The following IL1RAPL1 variants were observed in gnomAD, a reference collection of about 807,000 sequenced individuals.
The protein encoded by IL1RAPL1 is interleukin 1 receptor accessory protein like 1, also known as interleukin-1 receptor accessory protein-like 1.
In IL1RAPL1, 3 loss-of-function variants were observed where a neutral mutation model predicts 48.4. The observed-to-expected ratio is 0.06, with a 90% CI of 0.03 to 0.16. The LOEUF (loss-of-function observed/expected upper bound fraction) is 0.16, where lower values mean the gene tolerates loss of function less well. Ranked by LOEUF, IL1RAPL1 falls within the 10% of genes least tolerant of loss-of-function variation. The probability of loss-of-function intolerance (pLI) is 1.00; values close to 1 mark genes in which losing one functional copy is unlikely to be tolerated. For missense variants in IL1RAPL1, 349 were observed against 530.6 expected (o/e 0.66, Z 3.36); for synonymous variants, 185 against 187.7 (o/e 0.99, Z 0.12).
chrX:29,424,809 A>G (rs968702273), intron 5 of IL1RAPL1, among the ~76,000 whole-genome samples: 1 of 112,023 alleles, frequency 8.9e-6, no homozygotes, highest in African/African-American at 3.2e-5. Flanking sequence ...AGAGATATTC[A>G]TGGGAAGGTT....
chrX:29,114,225 C>T, intron 2 of IL1RAPL1, among the ~76,000 whole-genome samples: 1 of 111,850 alleles, frequency 8.9e-6, no homozygotes, highest in Non-Finnish European at 1.9e-5. Context: ...GTAGAACTCA[C>T]CCATAAAACC....
chrX:29,514,835 T>G, intron 5 of IL1RAPL1, among the ~76,000 whole-genome samples: 2 of 113,025 alleles, frequency 1.8e-5, no homozygotes, highest in Middle Eastern at 9.2e-3. Flanking sequence ...TCAAAGTTCC[T>G]GTCTAAAACC....
intron 5 of IL1RAPL1, among the ~76,000 whole-genome samples, chrX:29,498,986 A>G (rs957749771): frequency 8.9e-6 from 1 of 112,189 alleles, no homozygotes; most frequent in African/African-American, 3.2e-5. Flanking sequence ...TCAAACCACA[A>G]AGGTTCTTTG....
chrX:29,273,197 A>G (rs1320344105), intron 2 of IL1RAPL1, among the ~76,000 whole-genome samples: 2 of 112,238 alleles, frequency 1.8e-5, no homozygotes, highest in East Asian at 2.8e-4. Flanking sequence ...GTTTGGAGGT[A>G]AGAAAACAGT....
chrX:28,659,450 G>A (rs61735499), intron 1 of IL1RAPL1: 34,830 of 519,170 alleles, frequency 0.067, 1,015 homozygotes, highest in African/African-American at 0.17. Context: ...TTTGCGGGAA[G>A]TCAGCTTTGT....
chrX:28,999,502 CTT>C (rs916137867), intron 2 of IL1RAPL1, among the ~76,000 whole-genome samples: 15 of 111,521 alleles, frequency 1.3e-4, no homozygotes, highest in Non-Finnish European at 2.6e-4. Context: ...TTTCCTGTGT[CTT>C]TTATTTTAAC....
intron 8 of IL1RAPL1, among the ~76,000 whole-genome samples, chrX:29,940,703 G>A (rs183336975): frequency 0.016 from 1,753 of 111,300 alleles, 38 homozygotes; most frequent in African/African-American, 0.054. Context: ...TCTAAAGAAG[G>A]AAAAAATAAC....
At chrX:29,349,017 A>T (rs1264341547) in intron 3 of IL1RAPL1, among the ~76,000 whole-genome samples, 1 of 112,492 alleles carries the variant, frequency 8.9e-6, no homozygotes, top group African/African-American at 3.2e-5. Flanking sequence ...GATGAGTGGG[A>T]TAAATGGCAT....
intron 2 of IL1RAPL1, among the ~76,000 whole-genome samples, chrX:29,096,213 A>G (rs1928210777): frequency 9.0e-6 from 1 of 111,396 alleles, no homozygotes; most frequent in African/African-American, 3.3e-5. Context: ...GTGCCTTGGT[A>G]AGGGATTTGT....
At chrX:29,160,833 C>G (rs1042739238) in intron 2 of IL1RAPL1, among the ~76,000 whole-genome samples, 1 of 112,134 alleles carries the variant, frequency 8.9e-6, no homozygotes, top group Non-Finnish European at 1.9e-5. Flanking sequence ...GCGGGTAGAT[C>G]GCCTGAGGTC....
At chrX:29,754,750 C>G (rs1928569367) in intron 6 of IL1RAPL1, among the ~76,000 whole-genome samples, 1 of 112,947 alleles carries the variant, frequency 8.9e-6, no homozygotes, top group Admixed American at 9.4e-5. Flanking sequence ...TGTGTATGTG[C>G]ATGGACACAT....
chrX:29,816,328 A>G (rs1930492220), intron 6 of IL1RAPL1, among the ~76,000 whole-genome samples: 1 of 111,478 alleles, frequency 9.0e-6, no homozygotes. Flanking sequence ...TCTAGAGGAA[A>G]TGCATAAATT....
chrX:28,874,470 CA>C (rs1393262087), intron 2 of IL1RAPL1, among the ~76,000 whole-genome samples: 1 of 111,748 alleles, frequency 8.9e-6, no homozygotes, highest in Non-Finnish European at 1.9e-5. Flanking sequence ...CAGATATGTG[CA>C]AATGATGATA....
At chrX:29,159,584 G>T (rs1353998992) in intron 2 of IL1RAPL1, among the ~76,000 whole-genome samples, 1 of 112,028 alleles carries the variant, frequency 8.9e-6, no homozygotes, top group African/African-American at 3.2e-5. Context: ...ACACATTTTT[G>T]ATAGAAAACT....
At chrX:28,916,723 C>T (rs756600378) in intron 2 of IL1RAPL1, among the ~76,000 whole-genome samples, 1 of 112,092 alleles carries the variant, frequency 8.9e-6, no homozygotes, top group Non-Finnish European at 1.9e-5. Context: ...ACTTGGAATA[C>T]CAAGCCTGTA....
chrX:29,381,421 G>A (rs1293480197), intron 3 of IL1RAPL1, among the ~76,000 whole-genome samples: 3 of 94,679 alleles, frequency 3.2e-5, no homozygotes, highest in Non-Finnish European at 6.2e-5. Context: ...TTGGGAGGCC[G>A]AGGTGGGAGG....
At chrX:28,655,901 A>G (rs767393748) in intron 1 of IL1RAPL1, among the ~76,000 whole-genome samples, 1 of 112,158 alleles carries the variant, frequency 8.9e-6, no homozygotes, top group East Asian at 2.8e-4. Context: ...ACATTTCTAG[A>G]AAAGAAGACA....
At chrX:29,411,445 C>A (rs1003225199) in intron 5 of IL1RAPL1, among the ~76,000 whole-genome samples, 2 of 111,874 alleles carry the variant, frequency 1.8e-5, no homozygotes, top group African/African-American at 6.5e-5. Flanking sequence ...TGCCCTATTG[C>A]TGTTGTTGCC....
intron 1 of IL1RAPL1, among the ~76,000 whole-genome samples, chrX:28,611,197 A>C (rs1388025301): frequency 8.9e-6 from 1 of 111,954 alleles, no homozygotes; most frequent in Admixed American, 9.5e-5. Flanking sequence ...TCAGTATCTT[A>C]AGGTTTAAAC....
Sources: allele counts gnomAD v4.1 joint callset (sites outside exome capture counted in the v4.1 genomes callset), GRCh38; gene constraint gnomAD v4.1.1; transcripts MANE v1.5; gene names NCBI Gene and HGNC (gene_info 2026-07-23, HGNC 2026-07-21).